MIOS: variants seen among roughly 807,000 people sequenced by gnomAD.
MIOS encodes meiosis regulator for oocyte development.
A neutral mutation model predicts 96.9 loss-of-function variants in MIOS; 52 were observed. The observed-to-expected ratio is 0.54, with a 90% CI of 0.43 to 0.68. The LOEUF is 0.68. Ranked by LOEUF, MIOS falls within the 30% of genes least tolerant of loss-of-function variation. MIOS has a pLI of 0.00. For missense variants in MIOS, 1,005 were observed against 1,052.8 expected (o/e 0.95, Z 0.63); for synonymous variants, 397 against 359.5 (o/e 1.10, Z -1.18).
chr7:7,580,272 C>T (rs559103122), intron 5 of MIOS, among the ~76,000 whole-genome samples: 2 of 152,114 alleles, frequency 1.3e-5, no homozygotes, highest in Admixed American at 1.3e-4. Context: ...CATTATAGTC[C>T]TTAAAAATCC....
chr7:7,578,205 T>C (rs1783598822), intron 5 of MIOS, among the ~76,000 whole-genome samples: 1 of 152,186 alleles, frequency 6.6e-6, no homozygotes, highest in African/African-American at 2.4e-5. Flanking sequence ...TTGAATGGGC[T>C]AAGTGCTTAG....
At chr7:7,581,836 C>T (rs1053015622) in intron 5 of MIOS, 4 of 152,320 alleles carry the variant, frequency 2.6e-5, no homozygotes, top group African/African-American at 9.6e-5. Flanking sequence ...AAAGGACTTA[C>T]TTAATTAGGT....
intron 5 of MIOS, among the ~76,000 whole-genome samples, chr7:7,574,668 T>C (rs1218760228): frequency 6.6e-6 from 1 of 152,110 alleles, no homozygotes; most frequent in Non-Finnish European, 1.5e-5. Context: ...CGTGGAGGAA[T>C]TATACCTGAT....
chr7:7,605,452 C>A (rs1784501784), intron 11 of MIOS: 1 of 152,376 alleles, frequency 6.6e-6, no homozygotes, highest in African/African-American at 2.4e-5. Context: ...GTGTCACCAC[C>A]CCCGGCCAAT....
At chr7:7,595,819 T>TA (rs1381477579) in intron 10 of MIOS, among the ~76,000 whole-genome samples, 5 of 152,198 alleles carry the variant, frequency 3.3e-5, no homozygotes, top group Admixed American at 6.5e-5. Context: ...GCTATTATTC[T>TA]AAAAATTTAA....
At chr7:7,585,944 C>G in intron 7 of MIOS, 139 bp downstream of exon 7, 1 of 708,480 alleles carries the variant, frequency 1.4e-6, no homozygotes, top group Non-Finnish European at 2.1e-6. Context: ...GCATCTTGGG[C>G]TTTTTTTTTG....
At chr7:7,596,117 A>G in intron 10 of MIOS, 140 bp from the exon 11 acceptor site, 3 of 667,280 alleles carry the variant, frequency 4.5e-6, no homozygotes, top group Non-Finnish European at 6.9e-6. Flanking sequence ...AAAGCTAGTC[A>G]ACCTTAGCAG....
rs758850148 is a variant in MIOS, at chr7:7,573,007, C to A, written c.532C>A (p.Leu178Ile). ...AACAACATTATTAGTAACAAAACCA[C>A]TTTATGAGTTAGGACAGAATGATGC... ...TETTLLVTKP[L>I]YELGQNDACL... Residue 178 changes from leucine (L) to isoleucine (I), a missense_variant, in exon 4 of 13, where the codon CTT becomes ATT. Physicochemically the swap from Leu to Ile is conservative, Grantham distance 5. Around this residue, in one of 3 missense-constraint regions of MIOS, gnomAD observed 865 missense variants for 887.9 expected, o/e 0.97. Transcript: ENST00000340080. The surrounding 1 kb of genome is among the most constrained non-coding windows in gnomAD (Gnocchi z 5.0). The A allele has an allele frequency of 9.9e-6, 16 of 1,613,954 alleles. No homozygotes were observed. The highest frequency in any genetic ancestry group is 1.1e-5 in the Non-Finnish European group (13 of 1,179,988).
At chr7:7,574,349 G>A (rs1015229306) in intron 5 of MIOS, among the ~76,000 whole-genome samples, 153 bp downstream of exon 5, 1 of 152,048 alleles carries the variant, frequency 6.6e-6, no homozygotes, top group African/African-American at 2.4e-5. Context: ...GTATTGTTGA[G>A]TTAAATGCAT....
chr7:7,584,730 A>T (rs1478781173), intron 6 of MIOS, among the ~76,000 whole-genome samples: 1 of 152,182 alleles, frequency 6.6e-6, no homozygotes, highest in Admixed American at 6.5e-5. Context: ...AAGAAAACTT[A>T]TATAATAAGT....
chr7:7,594,027 CTAAAG>C (rs1389937733), intron 9 of MIOS, among the ~76,000 whole-genome samples: 2 of 151,976 alleles, frequency 1.3e-5, no homozygotes, highest in East Asian at 3.8e-4. Context: ...GAGAAGAACT[CTAAAG>C]TAAATTTAAC....
In MIOS at chr7:7,608,861, AAT is replaced by A. The variant is rs1784595609; in HGVS notation, c.*1774_*1775del. On this transcript the variant is annotated 3_prime_UTR_variant, in exon 13 of 13. Coordinates refer to ENST00000340080, the MANE Select transcript of MIOS (RefSeq NM_019005.4). ...ATGTAATATGCTTATTTGTAATCCT[AAT>A]ATATGAGGGTGACATTTTTAAGATT... The A allele has an allele frequency of 2.0e-5, 3 of 152,176 alleles. No individual in the cohort carries two copies. In the South Asian group the frequency reaches 6.2e-4, roughly 32 times the overall value. 9.4% of individuals were successfully genotyped at this position (152,176 alleles called of 1,614,324 possible).
intron 9 of MIOS, among the ~76,000 whole-genome samples, chr7:7,592,344 C>T (rs2115446577): frequency 6.6e-6 from 1 of 152,242 alleles, no homozygotes; most frequent in East Asian, 1.9e-4. Context: ...GTTAAACTTC[C>T]CAGGGAATTG....
chr7:7,574,421 T>G (rs1328379971), intron 5 of MIOS, among the ~76,000 whole-genome samples: 1 of 152,172 alleles, frequency 6.6e-6, no homozygotes, highest in African/African-American at 2.4e-5. Context: ...GTGATGTTGA[T>G]CTTCTTAAAT....
chr7:7,573,804 C>T lies in MIOS; in HGVS notation c.1294+35C>T, dbSNP rs1783434697. On this transcript the variant is annotated intron_variant, in intron 4 of 12. Transcript: ENST00000340080. This position sits in a 1 kb window ranked among gnomAD's most constrained non-coding sequence, Gnocchi z 5.0. Reference sequence around the variant, plus strand: ...TCATTGTGAATTTTGTGAGGTGAATCAGGTAGAAATGTTCTTGAAGTTTGC... The same window carrying T: ...TCATTGTGAATTTTGTGAGGTGAATTAGGTAGAAATGTTCTTGAAGTTTGC... 2 of 1,527,644 alleles carry T rather than the reference C, an allele frequency of 1.3e-6. No individual in the cohort carries two copies. The highest frequency in any genetic ancestry group is 1.8e-6 in the Non-Finnish European group (2 of 1,137,834). The allele number at this position is 1,527,644 out of a possible 1,614,324, so 94.6% of individuals were successfully genotyped here.
chr7:7,576,785 A>T (rs1281375212), intron 5 of MIOS, among the ~76,000 whole-genome samples: 1 of 152,196 alleles, frequency 6.6e-6, no homozygotes, highest in Non-Finnish European at 1.5e-5. Context: ...ACGTGATGCT[A>T]TCCTTACCAA....
intron 12 of MIOS, among the ~76,000 whole-genome samples, chr7:7,606,721 T>C (rs1201544048): frequency 6.6e-6 from 1 of 152,220 alleles, no homozygotes; most frequent in Non-Finnish European, 1.5e-5. Flanking sequence ...ATGCTTTTGA[T>C]GCTTTTTTTC....
chr7:7,605,702 T>A, intron 11 of MIOS: 1 of 378,498 alleles, frequency 2.6e-6, no homozygotes, highest in East Asian at 4.9e-5. Context: ...AGTTTTAAAT[T>A]TAGATTGTTT....
At chr7:7,584,804 C>A (rs1051560618) in intron 6 of MIOS, among the ~76,000 whole-genome samples, 1 of 152,080 alleles carries the variant, frequency 6.6e-6, no homozygotes, top group Non-Finnish European at 1.5e-5. Flanking sequence ...AGCTGAACTT[C>A]GGTTAGAAGA....
Sources: allele counts gnomAD v4.1 joint callset (sites outside exome capture counted in the v4.1 genomes callset), GRCh38; gene constraint gnomAD v4.1.1; regional missense constraint gnomAD v4.1.1; non-coding constraint Gnocchi (gnomAD v3.1); transcripts MANE v1.5; gene names NCBI Gene and HGNC (gene_info 2026-07-23, HGNC 2026-07-21).